Variants in ZDHHC15 observed in about 807,000 individuals in gnomAD.
ZDHHC15 encodes zDHHC palmitoyltransferase 15, also known as palmitoyltransferase ZDHHC15.
ZDHHC15 carries 19 observed loss-of-function variants against 31.7 expected under a neutral mutation model. The ratio of observed to expected loss-of-function variants is 0.60; its 90% confidence interval spans 0.42 to 0.88. The LOEUF is 0.88. ZDHHC15 is among the 40% of genes least tolerant of loss of function. The pLI is 0.00. For missense variants in ZDHHC15, 209 were observed against 251.2 expected, an observed-to-expected ratio of 0.83 and a Z score of 1.14; for synonymous variants, 103 against 90.0, an observed-to-expected ratio of 1.14 and a Z score of -0.82.
At chrX:75,519,171 G>A (rs570614346) in intron 1 of ZDHHC15, among the ~76,000 whole-genome samples, 2 of 110,056 alleles carry the variant, frequency 1.8e-5, no homozygotes, top group African/African-American at 6.6e-5. Context: ...GCACTGAGGC[G>A]AACACTTAAA....
At chrX:75,458,956 G>A (rs1420351099) in intron 3 of ZDHHC15, among the ~76,000 whole-genome samples, 1 of 102,494 alleles carries the variant, frequency 9.8e-6, no homozygotes, top group Non-Finnish European at 2.0e-5. Context: ...GAAAAGCAGG[G>A]TGGGGAAATA....
At chrX:75,400,480 T>C (rs1374837302) in intron 10 of ZDHHC15, among the ~76,000 whole-genome samples, 1 of 111,517 alleles carries the variant, frequency 9.0e-6, no homozygotes, top group African/African-American at 3.3e-5. Flanking sequence ...TATGAGATTA[T>C]GTAAAGAGGC....
At position 75,369,144 on chromosome X, in the gene ZDHHC15, C is replaced by T. The variant is rs776693709; in HGVS notation, c.*3834G>A. 3 of 111,933 alleles carry T rather than the reference C, an allele frequency of 2.7e-5. No individual in the cohort carries two copies. Among genetic ancestry groups the T allele is most frequent in the Admixed American group, 9.5e-5 (1 of 10,547 alleles). The allele number at this position is 111,933 out of a possible 1,213,427, so 9.2% of individuals were successfully genotyped here. On this transcript the variant is annotated 3_prime_UTR_variant, in exon 12 of 12. Transcript: ENST00000373367. The stretch of plus-strand genomic sequence containing the variant: ...CTTCTCCATAGAACGTCTTCTGTAC[C>T]GAATCTCTTAGCTACTCTGAGAGCA...
chrX:75,475,775 T>G (rs1331693913), intron 3 of ZDHHC15, among the ~76,000 whole-genome samples: 1 of 112,155 alleles, frequency 8.9e-6, no homozygotes, highest in African/African-American at 3.2e-5. Flanking sequence ...GATTTTGATA[T>G]AAATTGCATT....
chrX:75,447,230 A>T, intron 4 of ZDHHC15, among the ~76,000 whole-genome samples: 1 of 112,127 alleles, frequency 8.9e-6, no homozygotes, highest in Middle Eastern at 4.6e-3. Context: ...TATCAGGTTG[A>T]TTACATTGGA....
chrX:75,385,584 C>A (rs761824481), intron 10 of ZDHHC15, among the ~76,000 whole-genome samples: 1 of 111,624 alleles, frequency 9.0e-6, no homozygotes, highest in African/African-American at 3.3e-5. Context: ...ATGATGAGTT[C>A]TCTTATTTTA....
chrX:75,439,954 C>T (rs899364264), intron 4 of ZDHHC15, among the ~76,000 whole-genome samples: 1 of 110,897 alleles, frequency 9.0e-6, no homozygotes, highest in African/African-American at 3.3e-5. Context: ...GTCTAGCCAC[C>T]CAGCAGAGCT....
In ZDHHC15 at chrX:75,369,076, A is replaced by G. The variant is rs2082982905; in HGVS notation, c.*3902T>C. On this transcript the variant is annotated 3_prime_UTR_variant, in exon 12 of 12. Transcript: ENST00000373367. ...ACTCATTAATTTTCTAAGAATATGG[A>G]TCTTGTCCAAGGGCCTGACAATCTC... 1 of 111,751 alleles carries G rather than the reference A, an allele frequency of 8.9e-6. No homozygotes were observed. The highest frequency in any genetic ancestry group is 3.3e-5 in the African/African-American group (1 of 30,734). The allele number at this position is 111,751 out of a possible 1,213,427, so 9.2% of individuals were successfully genotyped here.
At chrX:75,404,483 C>A (rs1489574052) in intron 10 of ZDHHC15, among the ~76,000 whole-genome samples, 5 of 111,770 alleles carry the variant, frequency 4.5e-5, no homozygotes, top group Non-Finnish European at 9.4e-5. Context: ...GTGCATCTGA[C>A]AAAGGTCTAA....
chrX:75,510,622 T>A (rs1295652086), intron 1 of ZDHHC15, among the ~76,000 whole-genome samples: 8 of 95,645 alleles, frequency 8.4e-5, no homozygotes, highest in Non-Finnish European at 1.4e-4. Context: ...CATGTGCACA[T>A]TGTGCAGGTT....
chrX:75,407,819 G>C (rs752316540), intron 10 of ZDHHC15, among the ~76,000 whole-genome samples: 1 of 112,628 alleles, frequency 8.9e-6, no homozygotes, highest in South Asian at 3.7e-4. Context: ...TGCGTTGTCT[G>C]TGTAGAAAGA....
chrX:75,435,670 C>T (rs923207509), intron 4 of ZDHHC15, among the ~76,000 whole-genome samples: 1 of 111,923 alleles, frequency 8.9e-6, no homozygotes. Flanking sequence ...TTAAACCAAC[C>T]CTGAATCCAT....
Position 75,391,048 on chromosome X carries a change from G to A in ZDHHC15, c.968-11850C>T, listed in dbSNP as rs1252559790. ...GGAAATAATTAAAAGGAACCAAGCA[G>A]AAATTCTTGAGCTGAAAAATTCAAT... On this transcript the variant is annotated intron_variant, in intron 10 of 11. Transcript: ENST00000373367. Among the ~76,000 whole-genome samples, 4 of 111,821 alleles carry A rather than the reference G, an allele frequency of 3.6e-5. No individual in the cohort carries two copies. The East Asian group carries it at 1.1e-3, about 32-fold the overall frequency.
intron 10 of ZDHHC15, among the ~76,000 whole-genome samples, chrX:75,390,003 G>T (rs151176374): frequency 1.7e-3 from 185 of 109,744 alleles, no homozygotes; most frequent in Non-Finnish European, 2.9e-3. Flanking sequence ...GTGAGTCCCA[G>T]ATCGGACAGG....
intron 3 of ZDHHC15, among the ~76,000 whole-genome samples, chrX:75,458,489 AAAT>A (rs1427175868): frequency 8.9e-6 from 1 of 112,102 alleles, no homozygotes; most frequent in Admixed American, 9.5e-5. Context: ...TTAGCAGAAC[AAAT>A]AATAAAATAT....
chrX:75,444,152 TA>T (rs1446185645), intron 4 of ZDHHC15, among the ~76,000 whole-genome samples: 1 of 111,205 alleles, frequency 9.0e-6, no homozygotes, highest in Non-Finnish European at 1.9e-5. Context: ...CATGTTGCTA[TA>T]AAGACACATG....
intron 11 of ZDHHC15, among the ~76,000 whole-genome samples, chrX:75,377,779 T>G (rs1040871658): frequency 7.2e-5 from 8 of 111,522 alleles, no homozygotes; most frequent in Non-Finnish European, 1.3e-4. Flanking sequence ...CTCCTTTTGG[T>G]GAGCCACAAA....
intron 1 of ZDHHC15, among the ~76,000 whole-genome samples, chrX:75,521,851 G>A (rs1295474584): frequency 9.0e-6 from 1 of 111,598 alleles, no homozygotes; most frequent in Non-Finnish European, 1.9e-5. Context: ...AAAAGTGAAA[G>A]AACACTGTGG....
intron 10 of ZDHHC15, among the ~76,000 whole-genome samples, chrX:75,407,803 G>T (rs2083436700): frequency 1.8e-5 from 2 of 112,689 alleles, no homozygotes; most frequent in Non-Finnish European, 3.8e-5. Flanking sequence ...AGAGAAATCA[G>T]ATTGTTGCGT....
Sources: allele counts gnomAD v4.1 joint callset (sites outside exome capture counted in the v4.1 genomes callset), GRCh38; gene constraint gnomAD v4.1.1; transcripts MANE v1.5; gene names NCBI Gene and HGNC (gene_info 2026-07-23, HGNC 2026-07-21).